SP4: variants seen among roughly 807,000 people sequenced by gnomAD.
SP4 encodes the protein transcription factor Sp4.
A neutral mutation model predicts 72.8 loss-of-function variants in SP4; 19 were observed. The ratio of observed to expected loss-of-function variants is 0.26; its 90% confidence interval spans 0.18 to 0.38. The LOEUF (loss-of-function observed/expected upper bound fraction) is 0.38. Among genes scored for constraint, SP4 ranks in the 10% least tolerant of loss-of-function variants. SP4 has a pLI of 1.00. For missense variants in SP4, 1,008 were observed against 926.3 expected, an observed-to-expected ratio of 1.09 and a Z score of -1.14; for synonymous variants, 395 against 333.1, an observed-to-expected ratio of 1.19 and a Z score of -2.02.
chr7:21,487,890 CTCTG>C (rs986055443), intron 5 of SP4, among the ~76,000 whole-genome samples: 4 of 151,820 alleles, frequency 2.6e-5, no homozygotes, highest in East Asian at 1.9e-4. Flanking sequence ...GAGACAGGGT[CTCTG>C]TCTGTCACCA....
At chr7:21,470,957 G>A in intron 3 of SP4, 1 of 452,736 alleles carries the variant, frequency 2.2e-6, no homozygotes, top group Admixed American at 2.6e-5. Context: ...AGTTTCATTG[G>A]TAAGAAGGAT....
At chr7:21,500,387 C>T (rs193008339) in intron 5 of SP4, among the ~76,000 whole-genome samples, 22 of 152,190 alleles carry the variant, frequency 1.4e-4, no homozygotes, top group Admixed American at 7.8e-4. Flanking sequence ...CAAATTTAGC[C>T]GCTTAAAATA....
chr7:21,428,095 C>G lies in SP4; in HGVS notation c.-157C>G, dbSNP rs1252997097. ...GAGCTGCTACGCCACAGCCCAGCGG[C>G]GGCCATTCGCGGAAAAAGAGGCAGA... is the stretch of plus-strand genomic sequence containing the variant. On this transcript the variant is annotated 5_prime_UTR_variant, in exon 1 of 6. Transcript: ENST00000222584. 1.5e-6 allele frequency: 1 copy of G among 673,104 alleles called. No individual in the cohort carries two copies. Among genetic ancestry groups the G allele is most frequent in the Non-Finnish European group, 2.8e-6 (1 of 361,744 alleles). 41.7% of individuals were successfully genotyped at this position (673,104 alleles called of 1,614,324 possible).
intron 4 of SP4, among the ~76,000 whole-genome samples, chr7:21,479,987 TTTG>T (rs1043806744): frequency 4.5e-4 from 6 of 13,208 alleles, no homozygotes; most frequent in Non-Finnish European, 5.7e-4. Context: ...TAACAGTTTT[TTTG>T]TTTGTTTGTT....
At chr7:21,465,522 G>C (rs746538460) in intron 3 of SP4, among the ~76,000 whole-genome samples, 5 of 152,192 alleles carry the variant, frequency 3.3e-5, no homozygotes, top group Non-Finnish European at 5.9e-5. Context: ...GTGTAAAATA[G>C]TTTAGTTCGA....
rs1782176016 is a variant in SP4 at position 21,512,548 on chromosome 7, TTACAGGAAAGGGTC to T, written c.*1281_*1294del. ...CTATATTATTGTTTATGCAAGGGTCTTACAGGAAAGGGTCTTTTTTTTTTTTTTTTTGAGATGGA... is the reference window on the plus strand; with the variant it reads ...CTATATTATTGTTTATGCAAGGGTCTTTTTTTTTTTTTTTTTTGAGATGGA... On this transcript the variant is annotated 3_prime_UTR_variant, in exon 6 of 6. Transcript: ENST00000222584. 1 of 150,074 alleles carries T rather than the reference TTACAGGAAAGGGTC, an allele frequency of 6.7e-6. No individual in the cohort carries two copies. Among genetic ancestry groups the T allele is most frequent in the Non-Finnish European group, 1.5e-5 (1 of 67,914 alleles). 9.3% of individuals were successfully genotyped at this position (150,074 alleles called of 1,614,324 possible). A position where few individuals can be genotyped will look rare whatever the true frequency, so the allele number is the denominator to read the frequency against.
At chr7:21,446,997 C>G (rs1396409721) in intron 3 of SP4, among the ~76,000 whole-genome samples, 1 of 152,124 alleles carries the variant, frequency 6.6e-6, no homozygotes, top group East Asian at 1.9e-4. Flanking sequence ...TCACTAGCGC[C>G]CTTGTGACTA....
At chr7:21,432,672 TCAAA>T (rs1179838380) in intron 3 of SP4, among the ~76,000 whole-genome samples, 1 of 152,150 alleles carries the variant, frequency 6.6e-6, no homozygotes, top group African/African-American at 2.4e-5. Flanking sequence ...GATTTGCCTT[TCAAA>T]CAAACTTTCC....
At chr7:21,502,309 C>T (rs182962231) in intron 5 of SP4, among the ~76,000 whole-genome samples, 1 of 152,074 alleles carries the variant, frequency 6.6e-6, no homozygotes, top group South Asian at 2.1e-4. Context: ...ACCTGTGATG[C>T]TTAGGATGTG....
intron 4 of SP4, among the ~76,000 whole-genome samples, chr7:21,479,496 A>G (rs141632191): frequency 3.9e-4 from 59 of 152,302 alleles, no homozygotes; most frequent in African/African-American, 1.3e-3. Context: ...CTATATGACT[A>G]TCTTTATGTC....
chr7:21,505,341 C>T (rs1315520168), intron 5 of SP4, among the ~76,000 whole-genome samples: 1 of 152,160 alleles, frequency 6.6e-6, no homozygotes, highest in African/African-American at 2.4e-5. Flanking sequence ...TCCCCTTTCT[C>T]CTAGGAAATT....
chr7:21,509,585 A>G (rs1362635694), intron 5 of SP4, among the ~76,000 whole-genome samples: 1 of 152,092 alleles, frequency 6.6e-6, no homozygotes, highest in Non-Finnish European at 1.5e-5. Flanking sequence ...ACAATATTGT[A>G]TTGAGTGCAG....
intron 5 of SP4, among the ~76,000 whole-genome samples, chr7:21,495,293 C>T (rs1174087803): frequency 6.6e-6 from 1 of 152,068 alleles, no homozygotes; most frequent in Non-Finnish European, 1.5e-5. Context: ...AGAATGAAAA[C>T]TCTTAACAGA....
At chr7:21,449,722 C>T (rs193253744) in intron 3 of SP4, among the ~76,000 whole-genome samples, 164 of 152,250 alleles carry the variant, frequency 1.1e-3, no homozygotes, top group Non-Finnish European at 1.0e-3. Context: ...AAAACTAAGG[C>T]CCAGTGTGAA....
At chr7:21,434,312 A>G (rs28439880) in intron 3 of SP4, among the ~76,000 whole-genome samples, 5,630 of 152,310 alleles carry the variant, frequency 0.037, 360 homozygotes, top group African/African-American at 0.13. Flanking sequence ...TCTAGATGAC[A>G]TGAACAGAAA....
intron 5 of SP4, among the ~76,000 whole-genome samples, chr7:21,505,116 G>A (rs1006942266): frequency 3.3e-5 from 5 of 152,130 alleles, no homozygotes; most frequent in African/African-American, 9.7e-5. Flanking sequence ...GATATATAGA[G>A]TCTTTGTCTT....
At chr7:21,497,323 T>TA (rs1344382423) in intron 5 of SP4, among the ~76,000 whole-genome samples, 10 of 152,162 alleles carry the variant, frequency 6.6e-5, no homozygotes, top group Non-Finnish European at 1.2e-4. Context: ...TTCAGGCTGT[T>TA]ATTTTTCAAG....
intron 5 of SP4, among the ~76,000 whole-genome samples, chr7:21,507,449 C>T (rs920476230): frequency 6.6e-6 from 1 of 152,188 alleles, no homozygotes. Flanking sequence ...ATTTTCCTGT[C>T]CCCTATTTTG....
At position 21,429,483 on chromosome 7, in the gene SP4, C is replaced by T. The variant is rs777382790; in HGVS notation, c.318C>T (p.Ala106=). 5 of 1,614,050 alleles carry T rather than the reference C, an allele frequency of 3.1e-6. No homozygotes were observed. The highest frequency in any genetic ancestry group is 4.2e-6 in the Non-Finnish European group (5 of 1,180,032). The change falls in exon 3 of 6, where the codon GCC becomes GCT. Residue 106 remains alanine, a synonymous_variant. Coordinates refer to ENST00000222584, the MANE Select transcript of SP4 (RefSeq NM_003112.5). ...CTGGAAACGCTTGGCAACTTGTTGC[C>T]TCCACTCCTCCTGCTTCAAAAGAGA... ...QLAGNAWQLV[A]STPPASKENN...
Sources: allele counts gnomAD v4.1 joint callset (sites outside exome capture counted in the v4.1 genomes callset), GRCh38; gene constraint gnomAD v4.1.1; transcripts MANE v1.5; gene names NCBI Gene and HGNC (gene_info 2026-07-23, HGNC 2026-07-21).